The following PACS1 variants were observed in gnomAD, a reference collection of about 807,000 sequenced individuals.
PACS1 encodes PACS-1.
In PACS1, 24 loss-of-function variants were observed where a neutral mutation model predicts 115.0. The ratio of observed to expected loss-of-function variants is 0.21; its 90% CI spans 0.15 to 0.29. PACS1 has a LOEUF of 0.29. Among genes scored for constraint, PACS1 ranks in the 10% least tolerant of loss-of-function variants. The pLI, the probability that PACS1 is intolerant of heterozygous loss-of-function variation, is 1.00. For missense variants in PACS1, 838 were observed against 1,251.2 expected, an observed-to-expected ratio of 0.67 and a Z score of 4.98; for synonymous variants, 453 against 504.5, an observed-to-expected ratio of 0.90 and a Z score of 1.37.
At chr11:66,223,115 G>C (rs920062079) in intron 10 of PACS1, among the ~76,000 whole-genome samples, 1 of 151,330 alleles carries the variant, frequency 6.6e-6, no homozygotes, top group Non-Finnish European at 1.5e-5. Context: ...TATTGGAGTC[G>C]GAGTTTTGCT....
chr11:66,221,711 C>G (rs1161903438), intron 10 of PACS1: 2 of 160,610 alleles, frequency 1.2e-5, no homozygotes, highest in Non-Finnish European at 2.7e-5. Flanking sequence ...TTTTCCTCCC[C>G]TCAGTCTGGC....
chr11:66,119,504 T>C (rs1284681064), intron 1 of PACS1, among the ~76,000 whole-genome samples: 1 of 152,110 alleles, frequency 6.6e-6, no homozygotes, highest in African/African-American at 2.4e-5. Flanking sequence ...AGGCAGGAGG[T>C]TGAAAAAATG....
rs1857284772 is a variant in PACS1, at chr11:66,070,357, C to T, written c.-130C>T. ...CCAGAGGCCCCGCGCGTGCGTGCAG[C>T]TCGCTGGCTGCTCGCGCTCGGGCAG... On this transcript the variant is annotated 5_prime_UTR_variant, in exon 1 of 24. Transcript: ENST00000320580. This position sits in a 1 kb window ranked among gnomAD's most constrained non-coding sequence, Gnocchi z 5.9. 2 of 426,090 alleles carry T rather than the reference C, an allele frequency of 4.7e-6. No homozygotes were observed. The highest frequency in any genetic ancestry group is 7.1e-6 in the Non-Finnish European group (2 of 282,872). 26.4% of individuals were successfully genotyped at this position (426,090 alleles called of 1,614,324 possible).
rs143616136 is a variant in PACS1, at chr11:66,112,946, T to C, written c.356+42104T>C. Among the ~76,000 whole-genome samples, 283 of 152,342 alleles carry C rather than the reference T, an allele frequency of 1.9e-3. 4 individuals carry two copies. Among genetic ancestry groups the C allele is most frequent in the African/African-American group, 6.6e-3 (276 of 41,580 alleles). On this transcript the variant is annotated intron_variant, in intron 1 of 23. Coordinates refer to ENST00000320580, the MANE Select transcript of PACS1 (RefSeq NM_018026.4). ...CATTATGCTGCATGAAAGGAAGCCT[T>C]ACACAGAAGAGCACATACTTAGGAT...
intron 1 of PACS1, among the ~76,000 whole-genome samples, chr11:66,135,542 C>T (rs770513405): frequency 1.3e-5 from 2 of 152,088 alleles, no homozygotes; most frequent in Admixed American, 6.5e-5. Flanking sequence ...TATTACAGAG[C>T]GATTTTCTGT....
chr11:66,169,321 A>G (rs1565132194), intron 1 of PACS1, among the ~76,000 whole-genome samples: 2 of 150,600 alleles, frequency 1.3e-5, no homozygotes, highest in Non-Finnish European at 2.9e-5. Context: ...TAATCTGTTA[A>G]TGATGAAGAT....
chr11:66,173,608 G>C (rs913914810), intron 1 of PACS1, among the ~76,000 whole-genome samples: 1 of 152,068 alleles, frequency 6.6e-6, no homozygotes, highest in Non-Finnish European at 1.5e-5. Flanking sequence ...TACTTGGGAG[G>C]CTGAGGCAGG....
intron 1 of PACS1, among the ~76,000 whole-genome samples, chr11:66,178,819 A>G (rs190779197): frequency 8.5e-5 from 13 of 152,296 alleles, no homozygotes; most frequent in Admixed American, 3.9e-4. Context: ...AAACCTCACT[A>G]TACTTGAGAG....
chr11:66,117,886 T>TGCG (rs774666448), intron 1 of PACS1, among the ~76,000 whole-genome samples: 10 of 152,298 alleles, frequency 6.6e-5, no homozygotes, highest in Non-Finnish European at 1.3e-4. Context: ...TCCTCTTTGA[T>TGCG]GCTTTATGTG....
chr11:66,070,435 G>A lies in PACS1; in HGVS notation c.-52G>A. The A allele has an allele frequency of 2.7e-6, 3 of 1,100,944 alleles. No homozygotes were observed. The highest frequency in any genetic ancestry group is 3.4e-6 in the Non-Finnish European group (3 of 872,892). The allele number at this position is 1,100,944 out of a possible 1,614,324, so 68.2% of individuals were successfully genotyped here. A position where few individuals can be genotyped will look rare whatever the true frequency, so the allele number is the denominator to read the frequency against. On this transcript the variant is annotated 5_prime_UTR_variant, in exon 1 of 24. Coordinates refer to ENST00000320580, the MANE Select transcript of PACS1 (RefSeq NM_018026.4). This position sits in a 1 kb window ranked among gnomAD's most constrained non-coding sequence, Gnocchi z 5.9. ...GCCGCCGCCGCCGCGGGGGAAGCCT[G>A]GGAGCCAGATCGGCGTCGCCTCGGC...
rs563436752 is a variant in PACS1 at position 66,207,382 on chromosome 11, G to C, written c.445-2980G>C. Among the ~76,000 whole-genome samples, 5 of 152,082 alleles carry C rather than the reference G, an allele frequency of 3.3e-5. No individual in the cohort carries two copies. In the South Asian group the frequency reaches 1.0e-3, roughly 31 times the overall value. ...CTCAAGAGGCTAAGGCAAGAGAGTC[G>C]CTTGAACCTGGGAGGCGGAGATTGC... On this transcript the variant is annotated intron_variant, in intron 2 of 23. Transcript: ENST00000320580.
intron 1 of PACS1, chr11:66,121,080 G>T (rs1043424062): frequency 1.3e-5 from 6 of 455,976 alleles, no homozygotes; most frequent in African/African-American, 4.0e-5. Flanking sequence ...AAGTCTGTCG[G>T]CACTGTTTTT....
chr11:66,205,175 G>A (rs1854906829), intron 2 of PACS1, among the ~76,000 whole-genome samples: 1 of 152,048 alleles, frequency 6.6e-6, no homozygotes, highest in Non-Finnish European at 1.5e-5. Flanking sequence ...AGTAGAGACT[G>A]GGTTTCACCA....
chr11:66,234,221 C>T lies in PACS1; in HGVS notation c.2083C>T (p.Arg695Cys), dbSNP rs866422657. 4.3e-6 allele frequency: 7 copies of T among 1,613,384 alleles called. No individual in the cohort carries two copies. Among genetic ancestry groups the T allele is most frequent in the African/African-American group, 2.7e-5 (2 of 74,906 alleles). The change falls in exon 17 of 24, where the codon CGC (arginine) becomes TGC (cysteine). Residue 695 changes from arginine to cysteine, a missense_variant. Transcript: ENST00000320580. ...TTCTGGTTGGAGAGATCTGTTCAGT[C>T]GCTCGGAGCCACCAGTGTCAGGTAA... ...LDSGWRDLFS[R>C]SEPPVSEQLD...
chr11:66,072,910 TG>T (rs1427765306), intron 1 of PACS1, among the ~76,000 whole-genome samples: 3 of 152,274 alleles, frequency 2.0e-5, no homozygotes, highest in African/African-American at 4.8e-5. Flanking sequence ...TGTTGATGTT[TG>T]GTCTGCCCCT....
At chr11:66,112,305 TG>T (rs1858209203) in intron 1 of PACS1, among the ~76,000 whole-genome samples, 1 of 152,186 alleles carries the variant, frequency 6.6e-6, no homozygotes, top group Non-Finnish European at 1.5e-5. Flanking sequence ...GCCTGCCACA[TG>T]GCCTGCCTTC....
At chr11:66,091,166 C>G (rs1291900435) in intron 1 of PACS1, among the ~76,000 whole-genome samples, 1 of 152,080 alleles carries the variant, frequency 6.6e-6, no homozygotes, top group African/African-American at 2.4e-5. Flanking sequence ...TTTTTTGAGA[C>G]AGACTCTCAC....
Position 66,236,354 on chromosome 11 carries a change from G to A in PACS1, c.2250+414G>A, listed in dbSNP as rs377057268. Among the ~76,000 whole-genome samples the A allele has an allele frequency of 3.9e-5, 6 of 152,182 alleles. No homozygotes were observed. The highest frequency in any genetic ancestry group is 1.9e-4 in the East Asian group (1 of 5,204). On this transcript the variant is annotated intron_variant, in intron 19 of 23. Transcript: ENST00000320580. The surrounding 1 kb of genome is among the most constrained non-coding windows in gnomAD (Gnocchi z 4.2). ...GGCCCTGACCTCGCTGCCTTCACCCGGGGAGTGATGTCCAGACGTGGCTCA... is the reference window on the plus strand; with the variant it reads ...GGCCCTGACCTCGCTGCCTTCACCCAGGGAGTGATGTCCAGACGTGGCTCA...
intron 1 of PACS1, among the ~76,000 whole-genome samples, chr11:66,081,466 C>T (rs540722727): frequency 3.3e-5 from 5 of 152,100 alleles, no homozygotes; most frequent in African/African-American, 4.8e-5. Context: ...AACAAACATG[C>T]TTTCTTTCTA....
Sources: gnomAD v4.1 joint callset for allele counts (sites outside exome capture counted in the v4.1 genomes callset) on GRCh38, gnomAD v4.1.1 for gene constraint, Gnocchi (gnomAD v3.1) non-coding constraint, MANE v1.5 for transcripts, NCBI Gene and HGNC (gene_info 2026-07-23, HGNC 2026-07-21) for gene names.